The following ANKRD6 variants were observed in gnomAD, a reference collection of about 807,000 sequenced individuals.
ANKRD6 encodes ankyrin repeat domain-containing protein 6.
In ANKRD6, 56 loss-of-function variants were observed where a neutral mutation model predicts 82.3. The observed-to-expected ratio is 0.68, with a 90% CI of 0.55 to 0.85. The LOEUF is 0.85. Ranked by LOEUF, ANKRD6 falls within the 40% of genes least tolerant of loss-of-function variation. The pLI, the probability that ANKRD6 is intolerant of heterozygous loss-of-function variation, is 0.00. For synonymous variants in ANKRD6, 347 were observed against 352.1 expected (o/e 0.99, Z 0.16); for missense variants, 852 against 907.6 (o/e 0.94, Z 0.79).
chr6:89,619,310 A>G (rs1037573266), intron 9 of ANKRD6, among the ~76,000 whole-genome samples: 3 of 152,194 alleles, frequency 2.0e-5, no homozygotes, highest in African/African-American at 7.2e-5. Context: ...AAAAGTATGA[A>G]GTGCTGTATA....
At chr6:89,462,346 G>T (rs190154395) in intron 1 of ANKRD6, among the ~76,000 whole-genome samples, 2 of 151,788 alleles carry the variant, frequency 1.3e-5, no homozygotes, top group African/African-American at 4.8e-5. Flanking sequence ...CAGAGTCAAG[G>T]TTATTGAAAT....
intron 10 of ANKRD6, among the ~76,000 whole-genome samples, chr6:89,623,008 G>A (rs1459534885): frequency 7.4e-6 from 1 of 134,994 alleles, no homozygotes; most frequent in African/African-American, 2.6e-5. Flanking sequence ...GGGTTGGGGT[G>A]GGGGAGTGGG....
intron 5 of ANKRD6, among the ~76,000 whole-genome samples, chr6:89,610,656 C>T (rs1474865250): frequency 6.6e-6 from 1 of 152,146 alleles, no homozygotes; most frequent in East Asian, 1.9e-4. Context: ...AAGCCCATAA[C>T]TTGCAGACAA....
intron 1 of ANKRD6, chr6:89,561,408 A>G (rs1787397686): frequency 6.6e-6 from 1 of 152,212 alleles, no homozygotes; most frequent in Non-Finnish European, 1.5e-5. Flanking sequence ...TTCTTTCGCA[A>G]ATAGTCCTGG....
At chr6:89,488,256 A>G (rs1777592881) in intron 1 of ANKRD6, among the ~76,000 whole-genome samples, 1 of 152,232 alleles carries the variant, frequency 6.6e-6, no homozygotes, top group African/African-American at 2.4e-5. Context: ...GCATTTGATT[A>G]TAAACACAAA....
chr6:89,526,453 A>C (rs1326345947), intron 1 of ANKRD6, among the ~76,000 whole-genome samples: 1 of 152,202 alleles, frequency 6.6e-6, no homozygotes, highest in Non-Finnish European at 1.5e-5. Flanking sequence ...TCCTGTTGGC[A>C]GGCTCTAAAA....
At chr6:89,447,350 G>T (rs1046021448) in intron 1 of ANKRD6, among the ~76,000 whole-genome samples, 1 of 152,144 alleles carries the variant, frequency 6.6e-6, no homozygotes, top group Non-Finnish European at 1.5e-5. Context: ...AGTTTGAGTG[G>T]TCTAGATAGA....
At chr6:89,453,331 A>G (rs1290386664) in intron 1 of ANKRD6, among the ~76,000 whole-genome samples, 13 of 152,242 alleles carry the variant, frequency 8.5e-5, no homozygotes. Flanking sequence ...TAGGGAAATG[A>G]AAACATAGTA....
chr6:89,505,924 C>T (rs1216768150), intron 1 of ANKRD6, among the ~76,000 whole-genome samples: 1 of 152,162 alleles, frequency 6.6e-6, no homozygotes, highest in Non-Finnish European at 1.5e-5. Flanking sequence ...CATGCGTGAA[C>T]CTGCAAGATG....
At chr6:89,622,112 GGTGGCT>G in intron 10 of ANKRD6, 86 bp downstream of exon 10, 1 of 1,255,122 alleles carries the variant, frequency 8.0e-7, no homozygotes, top group Non-Finnish European at 1.1e-6. Context: ...AGGTTCACCT[GGTGGCT>G]GCCCGGCCCT....
At chr6:89,575,139 T>C (rs1790815261) in intron 2 of ANKRD6, among the ~76,000 whole-genome samples, 1 of 152,200 alleles carries the variant, frequency 6.6e-6, no homozygotes, top group Admixed American at 6.5e-5. Context: ...GGCAGGACCC[T>C]CTCTGGAATG....
chr6:89,544,565 T>G (rs1294612887), intron 1 of ANKRD6, among the ~76,000 whole-genome samples: 1 of 151,930 alleles, frequency 6.6e-6, no homozygotes, highest in East Asian at 2.0e-4. Context: ...ATACAAAAAA[T>G]TAGCTGGGCG....
At chr6:89,436,605 C>T (rs970555883) in intron 1 of ANKRD6, among the ~76,000 whole-genome samples, 2 of 152,068 alleles carry the variant, frequency 1.3e-5, no homozygotes, top group African/African-American at 4.8e-5. Context: ...ATATTAGGTA[C>T]CTAGAGTAGT....
At chr6:89,497,709 A>C (rs1778802065) in intron 1 of ANKRD6, among the ~76,000 whole-genome samples, 1 of 152,184 alleles carries the variant, frequency 6.6e-6, no homozygotes, top group Admixed American at 6.5e-5. Flanking sequence ...ATTTTAAAAT[A>C]GTTTTATTAA....
intron 1 of ANKRD6, among the ~76,000 whole-genome samples, chr6:89,545,864 G>C: frequency 6.6e-6 from 1 of 152,198 alleles, no homozygotes; most frequent in South Asian, 2.1e-4. Context: ...GAGTGCAGTG[G>C]TGCAATCTTG....
chr6:89,624,109 T>G, intron 12 of ANKRD6, 52 bp downstream of exon 12: 1 of 1,531,310 alleles, frequency 6.5e-7, no homozygotes, highest in South Asian at 1.2e-5. Context: ...CAGCAAGGGT[T>G]TTTGTTTAAC....
intron 3 of ANKRD6, among the ~76,000 whole-genome samples, chr6:89,599,823 C>G (rs1186377493): frequency 6.6e-6 from 1 of 152,152 alleles, no homozygotes; most frequent in Non-Finnish European, 1.5e-5. Context: ...TCCTCCAGAA[C>G]CATTCCAGCT....
intron 1 of ANKRD6, among the ~76,000 whole-genome samples, chr6:89,442,312 T>C (rs912361344): frequency 1.3e-5 from 2 of 152,044 alleles, no homozygotes; most frequent in African/African-American, 2.4e-5. Flanking sequence ...CTTGGTTTTA[T>C]ACATTTGAGG....
chr6:89,624,498 G>T, intron 12 of ANKRD6, 41 bp from the exon 13 acceptor site: 1 of 1,548,158 alleles, frequency 6.5e-7, no homozygotes, highest in South Asian at 1.2e-5. Flanking sequence ...CCTGATGAAG[G>T]AATGAACAAG....
Sources: allele counts gnomAD v4.1 joint callset (sites outside exome capture counted in the v4.1 genomes callset), GRCh38; gene constraint gnomAD v4.1.1; transcripts MANE v1.5; gene names NCBI Gene and HGNC (gene_info 2026-07-23, HGNC 2026-07-21).